MKNK1: variants seen among roughly 807,000 people sequenced by gnomAD.
The protein encoded by MKNK1 is MAPK interacting serine/threonine kinase 1.
A neutral mutation model predicts 49.3 loss-of-function variants in MKNK1; 30 were observed. The observed-to-expected ratio is 0.61, with a 90% CI of 0.46 to 0.83. The LOEUF is 0.83. Ranked by LOEUF, MKNK1 falls within the 40% of genes least tolerant of loss-of-function variation. The pLI is 0.00. For synonymous variants in MKNK1, 176 were observed against 201.7 expected, an observed-to-expected ratio of 0.87 and a Z score of 1.08; for missense variants, 423 against 524.7, an observed-to-expected ratio of 0.81 and a Z score of 1.89.
At chr1:46,603,680 G>A (rs1466882709) in intron 1 of MKNK1, among the ~76,000 whole-genome samples, 1 of 152,232 alleles carries the variant, frequency 6.6e-6, no homozygotes, top group East Asian at 1.9e-4. Context: ...GCCTGCCTCT[G>A]ATCTGCCACT....
chr1:46,580,576 A>C lies in MKNK1; in HGVS notation c.152T>G (p.Val51Gly). Residue 51 changes from valine (V) to glycine (G), a missense_variant, in exon 4 of 13, where the codon GTT becomes GGT. Coordinates refer to ENST00000371945, the MANE Select transcript of MKNK1 (RefSeq NM_001135553.4). ...ATTCTGTAGGCTCACGGCACCTTGA[A>C]CTTTGGCATAGGCTCCCTCTCCAAG... Reference protein sequence around the residue: ...ELLGEGAYAKVQGAVSLQNGK... With the variant: ...ELLGEGAYAKGQGAVSLQNGK... 6.2e-7 allele frequency: 1 copy of C among 1,614,144 alleles called. No homozygotes were observed. Among genetic ancestry groups the C allele is most frequent in the Non-Finnish European group, 8.5e-7 (1 of 1,179,996 alleles).
intron 9 of MKNK1, among the ~76,000 whole-genome samples, chr1:46,563,784 G>A (rs777502739): frequency 8.5e-5 from 13 of 152,140 alleles, no homozygotes; most frequent in Non-Finnish European, 1.8e-4. Flanking sequence ...GGTGGCTCAC[G>A]CCTGTAATCC....
At chr1:46,581,186 TAAAA>T (rs572114810) in intron 3 of MKNK1, among the ~76,000 whole-genome samples, 4 of 147,692 alleles carry the variant, frequency 2.7e-5, no homozygotes, top group Non-Finnish European at 6.0e-5. Context: ...AAAGTACAGT[TAAAA>T]AAAAAAGTTG....
chr1:46,588,049 C>A (rs1312960192), intron 2 of MKNK1, among the ~76,000 whole-genome samples: 1 of 152,068 alleles, frequency 6.6e-6, no homozygotes, highest in Non-Finnish European at 1.5e-5. Context: ...AATATTTTTG[C>A]CATATTTCAG....
chr1:46,567,479 T>A (rs866328818), intron 8 of MKNK1, among the ~76,000 whole-genome samples: 4 of 152,238 alleles, frequency 2.6e-5, no homozygotes, highest in African/African-American at 7.2e-5. Context: ...TCAAGAAGTG[T>A]TCACTGTAAT....
At position 46,589,259 on chromosome 1, in the gene MKNK1, G is replaced by A. The variant is rs1322813628; in HGVS notation, c.-3+4854C>T. On this transcript the variant is annotated intron_variant, in intron 2 of 12. Transcript: ENST00000371945. This position sits in a 1 kb window ranked among gnomAD's most constrained non-coding sequence, Gnocchi z 4.3. ...GAGCAGGAGAGAGGAAGCTAACCCA[G>A]TTGGGTAACTAGAGGAAGACACAGC... 5.3e-5 allele frequency among the ~76,000 whole-genome samples: 8 copies of A among 152,228 alleles called. No homozygotes were observed. Among genetic ancestry groups the A allele is most frequent in the Non-Finnish European group, 1.2e-4 (8 of 68,044 alleles).
intron 1 of MKNK1, among the ~76,000 whole-genome samples, chr1:46,598,846 C>T (rs1048328533): frequency 2.0e-5 from 3 of 152,212 alleles, no homozygotes; most frequent in Non-Finnish European, 4.4e-5. Context: ...TCTCTGAATC[C>T]TGTTTATATT....
At chr1:46,578,465 G>A (rs1354743645) in intron 4 of MKNK1, among the ~76,000 whole-genome samples, 1 of 152,068 alleles carries the variant, frequency 6.6e-6, no homozygotes, top group Middle Eastern at 3.2e-3. Flanking sequence ...GTGGAGGAAG[G>A]GCCAGGTTTT....
intron 2 of MKNK1, among the ~76,000 whole-genome samples, chr1:46,591,207 G>A (rs934328205): frequency 4.6e-5 from 7 of 152,182 alleles, no homozygotes; most frequent in South Asian, 2.1e-4. Flanking sequence ...TCAAAGGACC[G>A]TCTGTCCATA....
chr1:46,570,212 T>G (rs1435886262), intron 7 of MKNK1: 1 of 152,164 alleles, frequency 6.6e-6, no homozygotes, highest in Non-Finnish European at 1.5e-5. Flanking sequence ...CTTCAGTGCA[T>G]TCTTGTAAAT....
Position 46,562,847 on chromosome 1 carries a change from TG to T in MKNK1, c.610-5del, listed in dbSNP as rs761868429. 5.6e-6 allele frequency: 9 copies of T among 1,601,866 alleles called. No homozygotes were observed. The African/African-American group carries it at 6.7e-5, about 12-fold the overall frequency. Reference sequence around the variant, plus strand: ...CCATGTATTCTGCAGAGCCACACTGTGGGGGCCAGGGTTGGGGGAGGGGGAG... The same window carrying T: ...CCATGTATTCTGCAGAGCCACACTGTGGGGCCAGGGTTGGGGGAGGGGGAG... On this transcript the variant is annotated splice_region_variant and splice_polypyrimidine_tract_variant and intron_variant, in intron 9 of 12. Transcript: ENST00000371945.
At chr1:46,587,685 T>C (rs1209771472) in intron 2 of MKNK1, among the ~76,000 whole-genome samples, 1 of 151,982 alleles carries the variant, frequency 6.6e-6, no homozygotes, top group Non-Finnish European at 1.5e-5. Context: ...GGCATGGTGG[T>C]GCATGCCTGT....
At position 46,559,435 on chromosome 1, in the gene MKNK1, A is replaced by G. The variant is rs376485644; in HGVS notation, c.1014-635T>C. Among the ~76,000 whole-genome samples, 55 of 152,300 alleles carry G rather than the reference A, an allele frequency of 3.6e-4. 1 individual carries two copies. The highest frequency in any genetic ancestry group is 3.5e-3 in the East Asian group (18 of 5,186). ...GGCTGGTGCCAAAAAGGTTTCCCAC[A>G]CTGCTTAGCCCTGGCTCTTTGGGAA... On this transcript the variant is annotated intron_variant, in intron 12 of 12. Transcript: ENST00000371945.
intron 2 of MKNK1, among the ~76,000 whole-genome samples, chr1:46,583,539 A>G (rs1672060563): frequency 6.6e-6 from 1 of 152,178 alleles, no homozygotes; most frequent in African/African-American, 2.4e-5. Flanking sequence ...TGTGGAAAGG[A>G]GCTCAGACAG....
chr1:46,572,445 C>G (rs2148644622), intron 6 of MKNK1: 4 of 254,152 alleles, frequency 1.6e-5, no homozygotes, highest in South Asian at 1.5e-4. Context: ...GTCTCGAACT[C>G]CCGACCAAGT....
intron 4 of MKNK1, among the ~76,000 whole-genome samples, chr1:46,580,090 G>A (rs972037986): frequency 6.6e-6 from 1 of 152,146 alleles, no homozygotes; most frequent in Non-Finnish European, 1.5e-5. Context: ...TAGAGATGTA[G>A]GAACTGAGGC....
chr1:46,567,749 C>T (rs1669325236), intron 8 of MKNK1, among the ~76,000 whole-genome samples: 1 of 152,218 alleles, frequency 6.6e-6, no homozygotes, highest in Non-Finnish European at 1.5e-5. Flanking sequence ...CCACCAGTGC[C>T]TAAATCTCTC....
Position 46,562,789 on chromosome 1 carries a change from C to T in MKNK1, c.664G>A (p.Ala222Thr). ...TCACAGCGCTTGTCGTAGAATGTGG[C>T]CTGGTCCGTGAAGACCTCCACTACC... The part of the protein sequence containing the change: ...PEVVEVFTDQ[A>T]TFYDKRCDLW... The change falls in exon 10 of 13, where the codon GCC becomes ACC. Residue 222 changes from alanine (A) to threonine (T), a missense_variant. Ala to Thr is a moderately conservative substitution (Grantham distance 58, BLOSUM62 0). Coordinates refer to ENST00000371945, the MANE Select transcript of MKNK1 (RefSeq NM_001135553.4). The T allele has an allele frequency of 6.2e-7, 1 of 1,612,586 alleles. No homozygotes were observed. The highest frequency in any genetic ancestry group is 1.1e-5 in the South Asian group (1 of 90,648).
intron 3 of MKNK1, chr1:46,582,940 C>T (rs896597701): frequency 8.6e-6 from 5 of 579,768 alleles, no homozygotes; most frequent in African/African-American, 7.4e-5. Context: ...AAAGGAAGAC[C>T]CCAGGCAATG....
Sources: gnomAD v4.1 joint callset for allele counts (sites outside exome capture counted in the v4.1 genomes callset) on GRCh38, gnomAD v4.1.1 for gene constraint, Gnocchi (gnomAD v3.1) non-coding constraint, MANE v1.5 for transcripts, NCBI Gene and HGNC (gene_info 2026-07-23, HGNC 2026-07-21) for gene names.